The following USP15 variants were observed in gnomAD, a reference collection of about 807,000 sequenced individuals.
USP15 encodes the protein ubiquitin carboxyl-terminal hydrolase 15.
USP15 carries 18 observed loss-of-function variants against 127.1 expected under a neutral mutation model. The ratio of observed to expected loss-of-function variants is 0.14; its 90% CI spans 0.10 to 0.21. The LOEUF is 0.21. Ranked by LOEUF, USP15 falls within the 10% of genes least tolerant of loss-of-function variation. USP15 has a pLI of 1.00. For synonymous variants in USP15, 364 were observed against 393.7 expected (o/e 0.92, Z 0.89); for missense variants, 805 against 1,159.9 (o/e 0.69, Z 4.44).
Position 62,407,431 on chromosome 12 carries a change from C to CA in USP15, c.*3057dup, listed in dbSNP as rs1274664467. The CA allele has an allele frequency of 5.3e-5, 8 of 152,180 alleles. No homozygotes were observed. The highest frequency in any genetic ancestry group is 1.9e-4 in the African/African-American group (8 of 41,446). The allele number at this position is 152,180 out of a possible 1,614,324, so 9.4% of individuals were successfully genotyped here. A position where few individuals can be genotyped will look rare whatever the true frequency, so the allele number is the denominator to read the frequency against. ...AGCTTTGTAAACTTTATTACACACTCACTGATTTCTTCAGTCTAAATAGAA... is the reference window on the plus strand; with the variant it reads ...AGCTTTGTAAACTTTATTACACACTCAACTGATTTCTTCAGTCTAAATAGAA... On this transcript the variant is annotated 3_prime_UTR_variant, in exon 22 of 22. Transcript: ENST00000280377.
At chr12:62,262,218 A>C (rs963691990) in intron 1 of USP15, among the ~76,000 whole-genome samples, 1 of 152,170 alleles carries the variant, frequency 6.6e-6, no homozygotes, top group Admixed American at 6.5e-5. Context: ...AGCCTGGGCA[A>C]CGTGAGACTC....
intron 5 of USP15, 91 bp from the exon 6 acceptor site, chr12:62,325,781 C>G (rs2065107094): frequency 2.9e-6 from 3 of 1,046,396 alleles, no homozygotes; most frequent in Non-Finnish European, 4.1e-6. Context: ...CACAGAGTTA[C>G]TTTAGTTTCT....
At chr12:62,278,837 ATC>A (rs2063567409) in intron 1 of USP15, 1 of 152,150 alleles carries the variant, frequency 6.6e-6, no homozygotes, top group African/African-American at 2.4e-5. Context: ...CTAACAGAAA[ATC>A]TGTTTTATAA....
intron 5 of USP15, among the ~76,000 whole-genome samples, chr12:62,325,556 C>A (rs1176871036): frequency 6.6e-6 from 1 of 151,980 alleles, no homozygotes; most frequent in Non-Finnish European, 1.5e-5. Flanking sequence ...AAAATATATT[C>A]TCTAAATTCA....
intron 1 of USP15, among the ~76,000 whole-genome samples, chr12:62,289,409 G>A (rs1167202277): frequency 1.3e-5 from 2 of 152,050 alleles, no homozygotes; most frequent in Non-Finnish European, 2.9e-5. Flanking sequence ...GCTCATAGTA[G>A]TCTCTGATGA....
At chr12:62,291,951 A>G (rs1415222161) in intron 1 of USP15, among the ~76,000 whole-genome samples, 1 of 152,202 alleles carries the variant, frequency 6.6e-6, no homozygotes, top group Non-Finnish European at 1.5e-5. Flanking sequence ...TCTCCAGGCC[A>G]ATAAGTAGCA....
intron 8 of USP15, among the ~76,000 whole-genome samples, chr12:62,363,969 A>G (rs1304856687): frequency 6.6e-6 from 1 of 152,118 alleles, no homozygotes; most frequent in East Asian, 1.9e-4. Flanking sequence ...AATTTTAGGC[A>G]TGTTCAGTTT....
intron 6 of USP15, among the ~76,000 whole-genome samples, chr12:62,326,979 A>T (rs1316048638): frequency 6.6e-6 from 1 of 151,828 alleles, no homozygotes. Flanking sequence ...AAAATACAAA[A>T]ATTAGCCAGG....
chr12:62,375,085 A>T (rs2066784760), intron 8 of USP15, among the ~76,000 whole-genome samples: 1 of 152,086 alleles, frequency 6.6e-6, no homozygotes, highest in Admixed American at 6.6e-5. Flanking sequence ...TGTCCATTGG[A>T]TGAGACATTT....
chr12:62,319,110 G>A (rs1433485351), intron 4 of USP15, among the ~76,000 whole-genome samples: 1 of 152,146 alleles, frequency 6.6e-6, no homozygotes, highest in African/African-American at 2.4e-5. Context: ...ATGGCTAGAA[G>A]GCCTCAGGAA....
intron 1 of USP15, among the ~76,000 whole-genome samples, chr12:62,291,930 T>C (rs2063981593): frequency 6.6e-6 from 1 of 152,238 alleles, no homozygotes; most frequent in Admixed American, 6.5e-5. Flanking sequence ...CAGATTGGGT[T>C]GTGCAGTTCA....
intron 8 of USP15, among the ~76,000 whole-genome samples, chr12:62,373,341 C>T (rs1469767089): frequency 1.3e-5 from 2 of 151,892 alleles, no homozygotes; most frequent in Admixed American, 6.6e-5. Flanking sequence ...AAAATGTTTC[C>T]CATCAGTGTC....
At chr12:62,390,558 T>C (rs1490337180) in intron 14 of USP15, among the ~76,000 whole-genome samples, 1 of 152,104 alleles carries the variant, frequency 6.6e-6, no homozygotes, top group Non-Finnish European at 1.5e-5. Context: ...AAGATCACAT[T>C]ATACAAATAT....
intron 1 of USP15, among the ~76,000 whole-genome samples, chr12:62,290,288 G>A (rs1274886184): frequency 6.6e-6 from 1 of 152,046 alleles, no homozygotes; most frequent in Non-Finnish European, 1.5e-5. Context: ...ATGAATCTGG[G>A]TTTGGGTCTT....
chr12:62,269,015 TG>T (rs10719141), intron 1 of USP15, among the ~76,000 whole-genome samples: 60,210 of 151,970 alleles, frequency 0.4, 12,456 homozygotes, highest in East Asian at 0.55. Flanking sequence ...GTGCGATTTT[TG>T]CATCTTGCTT....
At chr12:62,336,177 T>G in intron 6 of USP15, 1 of 985,410 alleles carries the variant, frequency 1.0e-6, no homozygotes, top group South Asian at 4.7e-5. Context: ...AATTAGGTGA[T>G]TCTATGCTAA....
chr12:62,263,353 A>G (rs571323259), intron 1 of USP15, among the ~76,000 whole-genome samples: 1 of 152,340 alleles, frequency 6.6e-6, no homozygotes, highest in South Asian at 2.1e-4. Context: ...CTGAAGTTAT[A>G]GTCATATGCA....
At chr12:62,403,947 T>A (rs1472070968) in intron 21 of USP15, among the ~76,000 whole-genome samples, 1 of 152,116 alleles carries the variant, frequency 6.6e-6, no homozygotes, top group African/African-American at 2.4e-5. Context: ...AGAACTGTGA[T>A]ACAGTTGCAT....
At chr12:62,336,168 A>G (rs985422436) in intron 6 of USP15, 1 of 985,304 alleles carries the variant, frequency 1.0e-6, no homozygotes, top group African/African-American at 1.7e-5. Context: ...GGTGTTCAAA[A>G]TTAGGTGATT....
Sources: allele counts gnomAD v4.1 joint callset (sites outside exome capture counted in the v4.1 genomes callset), GRCh38; gene constraint gnomAD v4.1.1; transcripts MANE v1.5; gene names NCBI Gene and HGNC (gene_info 2026-07-23, HGNC 2026-07-21).